Variants in KIAA1328 observed in about 807,000 individuals in gnomAD.
The protein encoded by KIAA1328 is KIAA1328.
In KIAA1328, 52 loss-of-function variants were observed where a neutral mutation model predicts 68.1. The ratio of observed to expected loss-of-function variants is 0.76; its 90% CI spans 0.61 to 0.96. KIAA1328 has a LOEUF of 0.96. KIAA1328 is among the 40% of genes least tolerant of loss of function. The pLI is 0.00. For missense variants in KIAA1328, 641 were observed against 677.6 expected (o/e 0.95, Z 0.60); for synonymous variants, 232 against 239.4 (o/e 0.97, Z 0.28).
intron 4 of KIAA1328, 30 bp downstream of exon 4, chr18:36,844,332 A>G: frequency 1.4e-6 from 2 of 1,414,024 alleles, no homozygotes; most frequent in South Asian, 1.3e-5. Flanking sequence ...GAAATGATTT[A>G]TTATACAAAA....
Position 37,222,758 on chromosome 18 carries a change from C to T in KIAA1328, c.*531C>T, listed in dbSNP as rs993827368. The stretch of plus-strand genomic sequence containing the variant: ...AAGTTGGAGTTGGTGCCCCTGCCAT[C>T]ACAAACAACACGAGAGCCAATTGTG... On this transcript the variant is annotated 3_prime_UTR_variant, in exon 10 of 10. Coordinates refer to ENST00000280020, the MANE Select transcript of KIAA1328 (RefSeq NM_020776.3). 5.0e-6 allele frequency: 5 copies of T among 995,792 alleles called. No individual in the cohort carries two copies. Among genetic ancestry groups the T allele is most frequent in the African/African-American group, 3.5e-5 (2 of 57,288 alleles). 61.7% of individuals were successfully genotyped at this position (995,792 alleles called of 1,614,324 possible).
intron 6 of KIAA1328, among the ~76,000 whole-genome samples, chr18:36,971,455 C>T (rs2052206771): frequency 6.6e-6 from 1 of 152,028 alleles, no homozygotes; most frequent in Non-Finnish European, 1.5e-5. Flanking sequence ...CATGGTGAAA[C>T]CCTGTCTCTA....
chr18:36,868,939 T>C (rs950228654), intron 4 of KIAA1328, among the ~76,000 whole-genome samples: 5 of 152,078 alleles, frequency 3.3e-5, no homozygotes, highest in African/African-American at 9.7e-5. Context: ...CTGGTCTTTA[T>C]TTTTTTAAAC....
Position 37,179,087 on chromosome 18 carries a change from T to C in KIAA1328, c.1523+6006T>C, listed in dbSNP as rs543434656. On this transcript the variant is annotated intron_variant, in intron 9 of 9. Coordinates refer to ENST00000280020, the MANE Select transcript of KIAA1328 (RefSeq NM_020776.3). ...AGAAGCTTTGATGTAATCCCATTTG[T>C]CTATTTTTGCTTTTGTTGCCTGTGC... 1.4e-4 allele frequency among the ~76,000 whole-genome samples: 22 copies of C among 152,308 alleles called. No individual in the cohort carries two copies. The South Asian group carries it at 1.9e-3, about 13-fold the overall frequency.
chr18:36,909,440 A>G (rs1010620010), intron 5 of KIAA1328, among the ~76,000 whole-genome samples: 2 of 152,112 alleles, frequency 1.3e-5, no homozygotes, highest in African/African-American at 2.4e-5. Flanking sequence ...AGCTTCATCC[A>G]TGTCCCTACA....
chr18:37,080,122 T>A (rs949585411), intron 7 of KIAA1328, among the ~76,000 whole-genome samples: 1 of 152,138 alleles, frequency 6.6e-6, no homozygotes, highest in African/African-American at 2.4e-5. Flanking sequence ...ACCTTTGAAA[T>A]TTGTTACTTT....
At chr18:37,193,744 C>G (rs2059951024) in intron 9 of KIAA1328, 2 of 619,614 alleles carry the variant, frequency 3.2e-6, no homozygotes, top group South Asian at 1.8e-5. Flanking sequence ...AAACAGAAAA[C>G]TGAATTGTTT....
intron 7 of KIAA1328, among the ~76,000 whole-genome samples, chr18:37,133,643 A>G (rs2058577323): frequency 6.7e-6 from 1 of 149,088 alleles, no homozygotes; most frequent in Non-Finnish European, 1.5e-5. Context: ...CTCCTGCCTC[A>G]GCCTCCTGAG....
chr18:37,009,637 A>G (rs1404698800), intron 6 of KIAA1328, among the ~76,000 whole-genome samples: 1 of 152,208 alleles, frequency 6.6e-6, no homozygotes, highest in Non-Finnish European at 1.5e-5. Context: ...TCCACAGAAC[A>G]AAGAATTATC....
intron 8 of KIAA1328, among the ~76,000 whole-genome samples, chr18:37,166,401 G>A (rs1188893513): frequency 4.6e-5 from 7 of 152,070 alleles, no homozygotes; most frequent in African/African-American, 2.4e-5. Flanking sequence ...ACACAAATTT[G>A]TAAACTTTCT....
chr18:36,963,270 A>G (rs1192482197), intron 6 of KIAA1328, among the ~76,000 whole-genome samples: 1 of 152,146 alleles, frequency 6.6e-6, no homozygotes, highest in African/African-American at 2.4e-5. Context: ...GTAAGAGAAA[A>G]TGGTAGTGTG....
chr18:36,973,154 A>T (rs192900770), intron 6 of KIAA1328, among the ~76,000 whole-genome samples: 4 of 152,290 alleles, frequency 2.6e-5, no homozygotes, highest in Admixed American at 6.5e-5. Flanking sequence ...ATAAAAAAGG[A>T]TGAGTTCATG....
At chr18:36,839,595 T>C (rs2046791912) in intron 3 of KIAA1328, among the ~76,000 whole-genome samples, 1 of 152,228 alleles carries the variant, frequency 6.6e-6, no homozygotes. Context: ...ATTTTTCTGC[T>C]TCTTTGCCTG....
At chr18:37,054,120 G>T (rs1403520137) in intron 6 of KIAA1328, among the ~76,000 whole-genome samples, 1 of 152,092 alleles carries the variant, frequency 6.6e-6, no homozygotes, top group Non-Finnish European at 1.5e-5. Context: ...TCTTACATCA[G>T]TCAAAATGGC....
In KIAA1328 at chr18:37,067,562, C is replaced by CTTT; in HGVS notation, c.1232+31_1232+33dup. ...TTACAATTGGTGAGTACTGCCTGTT[C>CTTT]TTTTTTTTTTTTTTTTGAGACGAAA... On this transcript the variant is annotated intron_variant, in intron 7 of 9. Coordinates refer to ENST00000280020, the MANE Select transcript of KIAA1328 (RefSeq NM_020776.3). 19 of 1,356,808 alleles carry CTTT rather than the reference C, an allele frequency of 1.4e-5. No individual in the cohort carries two copies. The highest frequency in any genetic ancestry group is 4.7e-5 in the South Asian group (3 of 63,564). The allele number at this position is 1,356,808 out of a possible 1,614,324, so 84.0% of individuals were successfully genotyped here. A position where few individuals can be genotyped will look rare whatever the true frequency, so the allele number is the denominator to read the frequency against.
At chr18:37,100,539 G>C (rs942734778) in intron 7 of KIAA1328, among the ~76,000 whole-genome samples, 1 of 152,208 alleles carries the variant, frequency 6.6e-6, no homozygotes, top group Non-Finnish European at 1.5e-5. Context: ...AAACTGGGTG[G>C]AGCCCACCGC....
In KIAA1328 at chr18:37,222,397, T is replaced by A. The variant is rs1359384596; in HGVS notation, c.*170T>A. 6.9e-7 allele frequency: 1 copy of A among 1,439,508 alleles called. No individual in the cohort carries two copies. Among genetic ancestry groups the A allele is most frequent in the Non-Finnish European group, 9.1e-7 (1 of 1,103,960 alleles). The allele number at this position is 1,439,508 out of a possible 1,614,324, so 89.2% of individuals were successfully genotyped here. ...ATCATTCTAACAACCCAGGTTATTT[T>A]CAATCAGACCAGGCATTCGATAACA... On this transcript the variant is annotated 3_prime_UTR_variant, in exon 10 of 10. Transcript: ENST00000280020.
chr18:37,173,558 C>T (rs911710397), intron 9 of KIAA1328, among the ~76,000 whole-genome samples: 1 of 152,140 alleles, frequency 6.6e-6, no homozygotes, highest in African/African-American at 2.4e-5. Flanking sequence ...TTTTAAATTT[C>T]CCATGTCTAA....
chr18:36,890,473 C>G (rs1335681778), intron 5 of KIAA1328, among the ~76,000 whole-genome samples: 1 of 152,084 alleles, frequency 6.6e-6, no homozygotes, highest in Non-Finnish European at 1.5e-5. Flanking sequence ...GAGTTCGAGA[C>G]CAGCCTGGCC....
Sources: gnomAD v4.1 joint callset for allele counts (sites outside exome capture counted in the v4.1 genomes callset) on GRCh38, gnomAD v4.1.1 for gene constraint, MANE v1.5 for transcripts, NCBI Gene and HGNC (gene_info 2026-07-23, HGNC 2026-07-21) for gene names.